DNAH14: variants seen among roughly 807,000 people sequenced by gnomAD.
DNAH14 encodes the protein dynein axonemal heavy chain 14.
A neutral mutation model predicts 520.9 loss-of-function variants in DNAH14; 478 were observed. That is an observed-to-expected ratio of 0.92 (90% CI 0.85 to 0.99). The LOEUF is 0.99. DNAH14 is among the 50% of genes least tolerant of loss of function. DNAH14 has a pLI of 0.00. For missense variants in DNAH14, 4,831 were observed against 5,234.5 expected, an observed-to-expected ratio of 0.92 and a Z score of 2.38; for synonymous variants, 1,581 against 1,757.2, an observed-to-expected ratio of 0.90 and a Z score of 2.51.
At chr1:225,361,761 T>A (rs143007099) in intron 75 of DNAH14, among the ~76,000 whole-genome samples, 13 of 152,366 alleles carry the variant, frequency 8.5e-5, no homozygotes, top group African/African-American at 2.6e-4. Context: ...GGCTCACGCC[T>A]ATAGTCCCAA....
At position 225,079,423 on chromosome 1, in the gene DNAH14, A is replaced by C. The variant is rs918904121; in HGVS notation, c.2641A>C (p.Ser881Arg). 1.9e-6 allele frequency: 3 copies of C among 1,549,990 alleles called. No individual in the cohort carries two copies. The Admixed American group carries it at 5.9e-5, about 31-fold the overall frequency. The change falls in exon 18 of 86, where the codon AGT becomes CGT. Residue 881 changes from serine (S) to arginine (R), a missense_variant. Coordinates refer to ENST00000682510, the MANE Select transcript of DNAH14 (RefSeq NM_001367479.1). ...AIFQVLLLKF[S>R]QLKSSMKLSK... ...ATTCCAAGTTCTTCTTCTTAAGTTT[A>C]GTCAACTAAAATCATCTATGAAGTT...
chr1:224,978,242 C>T (rs2062007399), intron 8 of DNAH14, among the ~76,000 whole-genome samples: 1 of 151,944 alleles, frequency 6.6e-6, no homozygotes, highest in African/African-American at 2.4e-5. Flanking sequence ...TCACAACAGC[C>T]AAGATAGGAA....
At chr1:225,116,797 C>T (rs1321045915) in intron 23 of DNAH14, among the ~76,000 whole-genome samples, 1 of 152,090 alleles carries the variant, frequency 6.6e-6, no homozygotes, top group East Asian at 1.9e-4. Context: ...AGGGCAGAGT[C>T]AACAGTATCA....
At chr1:225,229,534 G>A (rs2090894228) in intron 41 of DNAH14, among the ~76,000 whole-genome samples, 2 of 152,108 alleles carry the variant, frequency 1.3e-5, no homozygotes, top group Admixed American at 6.6e-5. Context: ...CCCATCAATG[G>A]TGGACTGGAT....
At chr1:225,054,152 C>T (rs1430595502) in intron 17 of DNAH14, among the ~76,000 whole-genome samples, 1 of 152,062 alleles carries the variant, frequency 6.6e-6, no homozygotes, top group East Asian at 1.9e-4. Context: ...TCCTACTATA[C>T]CCCTGGAGGG....
intron 21 of DNAH14, among the ~76,000 whole-genome samples, chr1:225,094,262 A>T (rs145294048): frequency 2.2e-3 from 335 of 152,344 alleles, no homozygotes; most frequent in African/African-American, 7.6e-3. Context: ...ACAGCATGGT[A>T]CTGGTACAAA....
chr1:225,112,595 C>A (rs1414046960), intron 23 of DNAH14, among the ~76,000 whole-genome samples: 7 of 152,018 alleles, frequency 4.6e-5, no homozygotes, highest in Non-Finnish European at 7.4e-5. Flanking sequence ...TAACTCTTAG[C>A]TTTTCTATTT....
intron 23 of DNAH14, among the ~76,000 whole-genome samples, chr1:225,109,095 G>C (rs1600531): frequency 0.2 from 30,850 of 151,976 alleles, 6,519 homozygotes; most frequent in African/African-American, 0.53. Flanking sequence ...TATGTGACTA[G>C]TTTGCTATTT....
Position 225,232,743 on chromosome 1 carries a change from C to T in DNAH14, c.6518+1592C>T, listed in dbSNP as rs1313756871. Among the ~76,000 whole-genome samples, 2 of 152,176 alleles carry T rather than the reference C, an allele frequency of 1.3e-5. No homozygotes were observed. The highest frequency in any genetic ancestry group is 2.9e-5 in the Non-Finnish European group (2 of 68,048). On this transcript the variant is annotated intron_variant, in intron 42 of 85. Transcript: ENST00000682510. The surrounding 1 kb of genome is among the most constrained non-coding windows in gnomAD (Gnocchi z 4.2). The stretch of plus-strand genomic sequence containing the variant: ...TAAATGGTTACTTCTTCAAAGATAC[C>T]TTCCCTGACTCCCACATCTAAACTA...
At chr1:224,974,690 T>C (rs1220000932) in intron 8 of DNAH14, among the ~76,000 whole-genome samples, 1 of 152,154 alleles carries the variant, frequency 6.6e-6, no homozygotes, top group African/African-American at 2.4e-5. Flanking sequence ...ACAGTTTCCC[T>C]TGTGTTGGCC....
rs140473556 is a variant in DNAH14 at position 225,095,491 on chromosome 1, C to T, written c.3574-1627C>T. The stretch of plus-strand genomic sequence containing the variant: ...AAGAATGGAACAACAGACACCGGGG[C>T]GTACTTGAAGGTGGAGGGTGGGAGA... On this transcript the variant is annotated intron_variant, in intron 21 of 85. Coordinates refer to ENST00000682510, the MANE Select transcript of DNAH14 (RefSeq NM_001367479.1). Among the ~76,000 whole-genome samples the T allele has an allele frequency of 1.6e-4, 24 of 152,120 alleles. No individual in the cohort carries two copies. The Middle Eastern group carries it at 0.017, about 108-fold the overall frequency.
chr1:225,302,592 C>T (rs2094160082), intron 56 of DNAH14, among the ~76,000 whole-genome samples: 1 of 152,100 alleles, frequency 6.6e-6, no homozygotes, highest in Non-Finnish European at 1.5e-5. Flanking sequence ...TGCCAAGAAC[C>T]CAGCAACAGC....
At position 225,381,515 on chromosome 1, in the gene DNAH14, T is replaced by C; in HGVS notation, c.13013T>C (p.Leu4338Pro). ...LQLAIKGEII[L>P]TQELEEIFNS... ...CTTGCTATAAAAGGAGAGATCATCC[T>C]CACCCAAGAATTGGAGGAAATATTT... is the stretch of plus-strand genomic sequence containing the variant. Residue 4338 changes from leucine (L) to proline (P), a missense_variant, in exon 81 of 86, where the codon CTC becomes CCC. Coordinates refer to ENST00000682510, the MANE Select transcript of DNAH14 (RefSeq NM_001367479.1). 2 of 1,549,294 alleles carry C rather than the reference T, an allele frequency of 1.3e-6. No individual in the cohort carries two copies. Among genetic ancestry groups the C allele is most frequent in the Non-Finnish European group, 1.7e-6 (2 of 1,146,330 alleles).
intron 15 of DNAH14, among the ~76,000 whole-genome samples, chr1:225,045,262 C>G (rs1020573085): frequency 2.0e-5 from 3 of 148,618 alleles, no homozygotes; most frequent in Non-Finnish European, 4.5e-5. Context: ...TGAAATGTTT[C>G]TACTGTTTTT....
intron 43 of DNAH14, among the ~76,000 whole-genome samples, chr1:225,243,011 G>A (rs2092060782): frequency 6.6e-6 from 1 of 152,102 alleles, no homozygotes; most frequent in South Asian, 2.1e-4. Flanking sequence ...ACATCTGGAT[G>A]GCAAAGATTC....
At chr1:225,360,564 T>G in intron 74 of DNAH14, 117 bp from the exon 75 acceptor site, 1 of 987,698 alleles carries the variant, frequency 1.0e-6, no homozygotes, top group Middle Eastern at 2.2e-4. Flanking sequence ...AAACCTGTAG[T>G]CTTTCCGCTA....
Position 225,095,179 on chromosome 1 carries a change from T to A in DNAH14, c.3574-1939T>A, listed in dbSNP as rs1022060908. ...CCCAAAGGAATATAAAATTGTTCTA[T>A]CATAAAGACACATGCACGCTTATGT... On this transcript the variant is annotated intron_variant, in intron 21 of 85. Transcript: ENST00000682510. Among the ~76,000 whole-genome samples, 3 of 152,230 alleles carry A rather than the reference T, an allele frequency of 2.0e-5. No individual in the cohort carries two copies. The East Asian group carries it at 5.8e-4, about 29-fold the overall frequency.
Position 225,364,891 on chromosome 1 carries a change from A to G in DNAH14, c.12087A>G (p.Leu4029=). 1 of 1,543,228 alleles carries G rather than the reference A, an allele frequency of 6.5e-7. No individual in the cohort carries two copies. Among genetic ancestry groups the G allele is most frequent in the Non-Finnish European group, 8.8e-7 (1 of 1,142,680 alleles). ...SFPIPVLKKG[L]KIAVESPQGL... ...CAATTCCTGTTCTTAAAAAGGGTTT[A>G]AAGGTAAGAACAAAGTATAACAGAT... The change falls in exon 76 of 86, where the codon TTA becomes TTG. Residue 4029 remains leucine, a synonymous_variant. Coordinates refer to ENST00000682510, the MANE Select transcript of DNAH14 (RefSeq NM_001367479.1).
chr1:225,228,598 C>T (rs2090784032), intron 41 of DNAH14, among the ~76,000 whole-genome samples: 1 of 139,090 alleles, frequency 7.2e-6, no homozygotes, highest in Non-Finnish European at 1.6e-5. Flanking sequence ...TGGATAGACC[C>T]CCCACTCCTG....
Sources: allele counts gnomAD v4.1 joint callset (sites outside exome capture counted in the v4.1 genomes callset), GRCh38; gene constraint gnomAD v4.1.1; non-coding constraint Gnocchi (gnomAD v3.1); transcripts MANE v1.5; gene names NCBI Gene and HGNC (gene_info 2026-07-23, HGNC 2026-07-21).